Variants in GRK1 observed in about 807,000 individuals in gnomAD.
GRK1 encodes G protein-coupled receptor kinase 1, also known as rhodopsin kinase GRK1.
In GRK1, 28 loss-of-function variants were observed where a neutral mutation model predicts 41.7. The observed-to-expected ratio is 0.67, with a 90% CI of 0.50 to 0.92. The LOEUF (loss-of-function observed/expected upper bound fraction) is 0.92, where lower values mean the gene tolerates loss of function less well. GRK1 is among the 40% of genes least tolerant of loss of function. GRK1 has a pLI of 0.00. For synonymous variants in GRK1, 327 were observed against 286.7 expected, an observed-to-expected ratio of 1.14 and a Z score of -1.42; for missense variants, 703 against 671.2, an observed-to-expected ratio of 1.05 and a Z score of -0.52.
chr13:113,730,840 C>T (rs2049931658), intron 4 of GRK1, among the ~76,000 whole-genome samples: 1 of 152,196 alleles, frequency 6.6e-6, no homozygotes, highest in Admixed American at 6.5e-5. Context: ...CTGACCAGCT[C>T]AAGAGGAAAA....
chr13:113,672,427 G>T (rs1245589198), intron 3 of GRK1, among the ~76,000 whole-genome samples: 28 of 145,754 alleles, frequency 1.9e-4, no homozygotes, highest in East Asian at 3.9e-4. Flanking sequence ...TGTGTTCGTG[G>T]TGTGGTGTGT....
intron 4 of GRK1, among the ~76,000 whole-genome samples, chr13:113,730,561 C>G (rs2140730309): frequency 6.6e-6 from 1 of 150,864 alleles, no homozygotes; most frequent in East Asian, 2.0e-4. Context: ...CGGCTGCGCC[C>G]AGAGCCCTCC....
chr13:113,667,696 C>A lies in GRK1; in HGVS notation c.310C>A (p.Pro104Thr), dbSNP rs376909978. 14 of 1,613,810 alleles carry A rather than the reference C, an allele frequency of 8.7e-6. No homozygotes were observed. The East Asian group carries it at 1.8e-4, about 21-fold the overall frequency. Residue 104 changes from proline (P) to threonine (T), a missense_variant, in exon 1 of 7, where the codon CCA becomes ACA. Physicochemically the swap from Pro to Thr is conservative, Grantham distance 38 (BLOSUM62 -1). Coordinates refer to ENST00000335678, the MANE Select transcript of GRK1 (RefSeq NM_002929.3). The surrounding 1 kb of genome is among the most constrained non-coding windows in gnomAD (Gnocchi z 7.5). ...DYDTADNDLQ[P>T]QKAQTILAQY... ...TGACACGGCAGACAATGACCTCCAGCCACAGAAGGCCCAGACCATCCTGGC... is the reference window on the plus strand; with the variant it reads ...TGACACGGCAGACAATGACCTCCAGACACAGAAGGCCCAGACCATCCTGGC...
intron 1 of GRK1, among the ~76,000 whole-genome samples, chr13:113,668,732 G>A (rs899210623): frequency 6.6e-6 from 1 of 152,352 alleles, no homozygotes; most frequent in South Asian, 2.1e-4. Context: ...GGCAGCGGCT[G>A]TGCCGGGTGT....
At chr13:113,734,844 C>T (rs1178140417) in intron 6 of GRK1, 1 of 415,944 alleles carries the variant, frequency 2.4e-6, no homozygotes, top group Non-Finnish European at 4.2e-6. Context: ...GGATCTCAGG[C>T]TTCTTCCGGC....
Position 113,735,504 on chromosome 13 carries a change from T to G in GRK1, c.*141T>G. 2 of 959,958 alleles carry G rather than the reference T, an allele frequency of 2.1e-6. No individual in the cohort carries two copies. Among genetic ancestry groups the G allele is most frequent in the Non-Finnish European group, 1.5e-6 (1 of 689,454 alleles). 59.5% of individuals were successfully genotyped at this position (959,958 alleles called of 1,614,324 possible). ...CCAGGTCCCCATCACGCCATCTCCT[T>G]GCGGCCCAAGGAGGAGAAAGCCCAC... On this transcript the variant is annotated 3_prime_UTR_variant, in exon 7 of 7. Coordinates refer to ENST00000335678, the MANE Select transcript of GRK1 (RefSeq NM_002929.3).
chr13:113,729,514 C>T (rs933194463), intron 4 of GRK1, among the ~76,000 whole-genome samples: 2 of 152,198 alleles, frequency 1.3e-5, no homozygotes, highest in South Asian at 2.1e-4. Flanking sequence ...TGAGCGGCAG[C>T]GTCATGGCAG....
chr13:113,654,881 G>A, the GRK1 span: 1 of 1,614,232 alleles, frequency 6.2e-7, no homozygotes, highest in South Asian at 1.1e-5. Flanking sequence ...GCACATAGAG[G>A]CACAGGGCGA....
At chr13:113,732,674 A>C (rs984320474) in intron 5 of GRK1, among the ~76,000 whole-genome samples, 1 of 152,126 alleles carries the variant, frequency 6.6e-6, no homozygotes, top group Non-Finnish European at 1.5e-5. Context: ...AATGCACGGC[A>C]CCCACCTGTG....
Position 113,737,523 on chromosome 13 carries a change from G to T in GRK1, c.*2160G>T, listed in dbSNP as rs946538741. 1 of 142,438 alleles carries T rather than the reference G, an allele frequency of 7.0e-6. No individual in the cohort carries two copies. The highest frequency in any genetic ancestry group is 2.6e-5 in the African/African-American group (1 of 37,792). 8.8% of individuals were successfully genotyped at this position (142,438 alleles called of 1,614,324 possible). On this transcript the variant is annotated 3_prime_UTR_variant, in exon 7 of 7. Coordinates refer to ENST00000335678, the MANE Select transcript of GRK1 (RefSeq NM_002929.3). The stretch of plus-strand genomic sequence containing the variant: ...CACGTCTTCCCATAGATCCCACGTC[G>T]GCCACACCCTGGGTGAGGAGCATGT...
intron 4 of GRK1, among the ~76,000 whole-genome samples, chr13:113,724,434 G>A (rs1208085439): frequency 6.6e-6 from 1 of 152,226 alleles, no homozygotes; most frequent in African/African-American, 2.4e-5. Context: ...CGCCTGATGG[G>A]GTTTGTGTGC....
rs201676748 is a variant in GRK1, at chr13:113,667,477, C to A, written c.91C>A (p.Arg31=). ...SFDGSSSQPS[R]DKKYLAKLKL... is the part of the protein sequence containing the mutation. Reference sequence around the variant, plus strand: ...TGACGGCAGCAGCTCCCAACCCTCCCGGGACAAGAAGTACCTGGCCAAGCT... The same window carrying A: ...TGACGGCAGCAGCTCCCAACCCTCCAGGGACAAGAAGTACCTGGCCAAGCT... The change falls in exon 1 of 7, where the codon CGG becomes AGG. Residue 31 remains arginine (R), a synonymous_variant. Coordinates refer to ENST00000335678, the MANE Select transcript of GRK1 (RefSeq NM_002929.3). This position sits in a 1 kb window ranked among gnomAD's most constrained non-coding sequence, Gnocchi z 7.5. 6 of 1,610,820 alleles carry A rather than the reference C, an allele frequency of 3.7e-6. No homozygotes were observed. The highest frequency in any genetic ancestry group is 5.1e-6 in the Non-Finnish European group (6 of 1,178,600).
the GRK1 span, chr13:113,654,992 A>T: frequency 6.2e-7 from 1 of 1,609,040 alleles, no homozygotes; most frequent in Non-Finnish European, 8.5e-7. Context: ...ATTTTAACGC[A>T]CACAATTCGG....
intron 2 of GRK1, among the ~76,000 whole-genome samples, chr13:113,670,321 C>G (rs559600274): frequency 6.6e-6 from 1 of 152,192 alleles, no homozygotes; most frequent in South Asian, 2.1e-4. Flanking sequence ...GCCCCAGGCC[C>G]GTGCTGGGGA....
rs529003370 is a variant in GRK1, at chr13:113,731,990, G to T, written c.1194+647G>T. 7.9e-5 allele frequency among the ~76,000 whole-genome samples: 12 copies of T among 152,332 alleles called. No homozygotes were observed. The highest frequency in any genetic ancestry group is 2.9e-4 in the African/African-American group (12 of 41,574). ...GTCTCCCCTGAGTGCCCCCTGGGCT[G>T]CCCCGGATCCTAGGCCACCAGAACT... On this transcript the variant is annotated intron_variant, in intron 5 of 6. Coordinates refer to ENST00000335678, the MANE Select transcript of GRK1 (RefSeq NM_002929.3). This position sits in a 1 kb window ranked among gnomAD's most constrained non-coding sequence, Gnocchi z 5.6.
At chr13:113,652,801 C>T in the GRK1 span, 128 of 1,536,932 alleles carry the variant, frequency 8.3e-5, no homozygotes, top group Non-Finnish European at 9.8e-5. Context: ...CTGTGCTCCT[C>T]GTGGTGGGTG....
Position 113,733,684 on chromosome 13 carries a change from TATGTGTGCATAC to T in GRK1, c.1396+608_1396+619del, listed in dbSNP as rs1202662377. Among the ~76,000 whole-genome samples the T allele has an allele frequency of 1.4e-4, 20 of 139,888 alleles. 1 individual carries two copies. Among genetic ancestry groups the T allele is most frequent in the East Asian group, 4.1e-4 (2 of 4,884 alleles). The allele number at this position is 139,888 out of a possible 152,430, so 91.8% of individuals were successfully genotyped here. ...GTGCGTGTGTGCACGTGTGTGCATGTATGTGTGCATACATGTGTGCGTGTGTGCGCACGTGTG... is the reference window on the plus strand; with the variant it reads ...GTGCGTGTGTGCACGTGTGTGCATGTATGTGTGCGTGTGTGCGCACGTGTG... On this transcript the variant is annotated intron_variant, in intron 6 of 6. Coordinates refer to ENST00000335678, the MANE Select transcript of GRK1 (RefSeq NM_002929.3).
the GRK1 span, chr13:113,658,013 G>T: frequency 1.3e-6 from 2 of 1,576,908 alleles, no homozygotes; most frequent in Non-Finnish European, 8.6e-7. Flanking sequence ...GCACCCAGCC[G>T]GCCCGCCCCC....
At chr13:113,729,242 T>TTA (rs1268632327) in intron 4 of GRK1, among the ~76,000 whole-genome samples, 1 of 152,210 alleles carries the variant, frequency 6.6e-6, no homozygotes, top group African/African-American at 2.4e-5. Context: ...TGCCTTGACG[T>TTA]TAGCAAGACA....
Sources: gnomAD v4.1 joint callset for allele counts (sites outside exome capture counted in the v4.1 genomes callset) on GRCh38, gnomAD v4.1.1 for gene constraint, Gnocchi (gnomAD v3.1) non-coding constraint, MANE v1.5 for transcripts, NCBI Gene and HGNC (gene_info 2026-07-23, HGNC 2026-07-21) for gene names.